Variants in SLC2A9 observed in about 807,000 individuals in gnomAD.
SLC2A9 encodes the protein solute carrier family 2 member 9, also known as solute carrier family 2, facilitated glucose transporter member 9.
Under a neutral mutation model 50.6 loss-of-function variants are expected in SLC2A9, and 39 were observed. The ratio of observed to expected loss-of-function variants is 0.77; its 90% CI spans 0.60 to 1.01. SLC2A9 has a LOEUF of 1.01. SLC2A9 is among the 50% of genes least tolerant of loss of function. The probability of loss-of-function intolerance (pLI) is 0.00; values close to 1 mark genes in which losing one functional copy is unlikely to be tolerated. For missense variants in SLC2A9, 686 were observed against 677.6 expected (o/e 1.01, Z -0.14); for synonymous variants, 324 against 276.9 (o/e 1.17, Z -1.69).
upstream of SLC2A9, chr4:10,026,026 A>G: frequency 6.4e-7 from 1 of 1,564,162 alleles, no homozygotes; most frequent in Non-Finnish European, 8.8e-7. Context: ...AGAAAAAGAA[A>G]GAAGCCATTA....
chr4:9,987,989 C>T (rs781537458), intron 3 of SLC2A9, among the ~76,000 whole-genome samples: 1 of 152,214 alleles, frequency 6.6e-6, no homozygotes, highest in Non-Finnish European at 1.5e-5. Context: ...GCGTTTCCCC[C>T]CTGGGGGAGA....
At chr4:9,860,268 G>A (rs909261875) in intron 10 of SLC2A9, among the ~76,000 whole-genome samples, 14 of 152,120 alleles carry the variant, frequency 9.2e-5, no homozygotes, top group African/African-American at 3.1e-4. Context: ...GGCTGTTGGG[G>A]TCTTCCTCTG....
At chr4:9,774,439 C>T (rs1477999796) in intron 1 of SLC2A9, among the ~76,000 whole-genome samples, 1 of 152,208 alleles carries the variant, frequency 6.6e-6, no homozygotes, top group Non-Finnish European at 1.5e-5. Flanking sequence ...ACCCTGCATG[C>T]TGGTGAATTC....
intron 6 of SLC2A9, among the ~76,000 whole-genome samples, chr4:9,929,552 GCTGTGCTTAAGGTGGGCAAA>G (rs1745521971): frequency 1.3e-5 from 2 of 152,212 alleles, no homozygotes; most frequent in Non-Finnish European, 2.9e-5. Context: ...AGAGGCACGT[GCTGTGCTTAAGGTGGGCAAA>G]CATTGGCCCA....
chr4:9,969,022 A>G (rs1194539603), intron 5 of SLC2A9, among the ~76,000 whole-genome samples: 1 of 152,150 alleles, frequency 6.6e-6, no homozygotes, highest in Non-Finnish European at 1.5e-5. Flanking sequence ...TCTTTGATGG[A>G]CTTCCCCAGC....
chr4:10,023,854 G>T (rs1167254617), upstream of SLC2A9, among the ~76,000 whole-genome samples: 2 of 152,214 alleles, frequency 1.3e-5, no homozygotes, highest in African/African-American at 2.4e-5. Flanking sequence ...CAAAGCGAGG[G>T]CTGGTTCCCC....
rs191837443 is a variant in SLC2A9, at chr4:9,772,276, G to C, written n.182-907C>G. Among the ~76,000 whole-genome samples, 3 of 152,278 alleles carry C rather than the reference G, an allele frequency of 2.0e-5. No individual in the cohort carries two copies. In the East Asian group the frequency reaches 5.8e-4, roughly 29 times the overall value. On this transcript the variant is annotated intron_variant and non_coding_transcript_variant, in intron 1 of 1. Transcript: ENST00000508585. ...TGGGGATGGATAGAAGGGGTTGGCTGGTGGAGCCATTTTGAGATAATGAAT... is the reference window on the plus strand; with the variant it reads ...TGGGGATGGATAGAAGGGGTTGGCTCGTGGAGCCATTTTGAGATAATGAAT...
chr4:9,782,656 G>C (rs769157941), intron 3 of SLC2A9: 3 of 1,613,882 alleles, frequency 1.9e-6, no homozygotes, highest in Non-Finnish European at 2.5e-6. Context: ...ACTTTTGGGA[G>C]CCCGACGTGA....
At chr4:10,005,879 C>T (rs901780287) in intron 2 of SLC2A9, among the ~76,000 whole-genome samples, 2 of 152,138 alleles carry the variant, frequency 1.3e-5, no homozygotes, top group Admixed American at 1.3e-4. Flanking sequence ...TGCTGGGTGA[C>T]CTTGAGTAAG....
At chr4:10,016,944 C>G (rs1310304187) in intron 2 of SLC2A9, among the ~76,000 whole-genome samples, 1 of 152,100 alleles carries the variant, frequency 6.6e-6, no homozygotes, top group Non-Finnish European at 1.5e-5. Context: ...CATCCCAGCT[C>G]TGCATTCCCC....
intron 10 of SLC2A9, among the ~76,000 whole-genome samples, chr4:9,870,005 G>T (rs543127152): frequency 4.6e-4 from 70 of 152,344 alleles, no homozygotes; most frequent in Admixed American, 1.5e-3. Flanking sequence ...ATGGAGTTTT[G>T]GGATGCACAC....
chr4:9,854,891 G>T (rs28868569), intron 10 of SLC2A9, among the ~76,000 whole-genome samples: 1 of 151,998 alleles, frequency 6.6e-6, no homozygotes, highest in African/African-American at 2.4e-5. Context: ...ATGCAGAAAC[G>T]GCTCTGATAA....
chr4:9,856,088 T>C (rs1334336073), intron 10 of SLC2A9, among the ~76,000 whole-genome samples: 1 of 152,106 alleles, frequency 6.6e-6, no homozygotes, highest in Non-Finnish European at 1.5e-5. Context: ...CAAAAGCCAT[T>C]GCAACAAAAA....
intron 3 of SLC2A9, among the ~76,000 whole-genome samples, chr4:9,806,711 C>T (rs1722164150): frequency 6.6e-6 from 1 of 152,128 alleles, no homozygotes; most frequent in African/African-American, 2.4e-5. Context: ...AGTTGGGGAG[C>T]ACAATATAGA....
intron 10 of SLC2A9, chr4:9,878,938 A>T (rs1021075024): frequency 1.5e-6 from 1 of 660,384 alleles, no homozygotes; most frequent in Non-Finnish European, 1.9e-6. Flanking sequence ...CAAAATACAC[A>T]CACACATTTG....
chr4:10,028,381 C>T (rs566824334), intron 1 of SLC2A9, among the ~76,000 whole-genome samples: 13 of 152,348 alleles, frequency 8.5e-5, no homozygotes, highest in African/African-American at 2.9e-4. Context: ...AGACCCTCAT[C>T]CTGGCTCCTC....
rs142529585 is a variant in SLC2A9 at position 9,835,033 on chromosome 4, G to A, written c.1292-25C>T. On this transcript the variant is annotated intron_variant, in intron 10 of 11. Transcript: ENST00000264784. ...CCTGCAGTGTGTGAGCCAGGACATGGAATTAATCACTCTGAGAAGGTCATG... is the reference window on the plus strand; with the variant it reads ...CCTGCAGTGTGTGAGCCAGGACATGAAATTAATCACTCTGAGAAGGTCATG... 1.9e-6 allele frequency: 3 copies of A among 1,612,476 alleles called. No individual in the cohort carries two copies. In the African/African-American group the frequency reaches 4.0e-5, roughly 22 times the overall value.
At chr4:9,884,998 AAC>A (rs1157278905) in intron 10 of SLC2A9, among the ~76,000 whole-genome samples, 1 of 152,188 alleles carries the variant, frequency 6.6e-6, no homozygotes, top group African/African-American at 2.4e-5. Flanking sequence ...GAAGGGGAAC[AAC>A]ACACACTGGG....
intron 3 of SLC2A9, among the ~76,000 whole-genome samples, chr4:9,800,019 T>C (rs1444206306): frequency 6.6e-6 from 1 of 152,156 alleles, no homozygotes; most frequent in Non-Finnish European, 1.5e-5. Flanking sequence ...CATCCCTTGG[T>C]CACTACTGTA....
Sources: gnomAD v4.1 joint callset for allele counts (sites outside exome capture counted in the v4.1 genomes callset) on GRCh38, gnomAD v4.1.1 for gene constraint, MANE v1.5 for transcripts, NCBI Gene and HGNC (gene_info 2026-07-23, HGNC 2026-07-21) for gene names.